Variants in TCF12 observed in about 807,000 individuals in gnomAD.
The protein encoded by TCF12 is DNA-binding protein HTF4.
In TCF12, 45 loss-of-function variants were observed where a neutral mutation model predicts 86.0. That is an observed-to-expected ratio of 0.52 (90% CI 0.41 to 0.67). TCF12 has a LOEUF of 0.67. TCF12 is among the 30% of genes least tolerant of loss of function. The probability of loss-of-function intolerance (pLI) is 0.00; values close to 1 mark genes in which losing one functional copy is unlikely to be tolerated. For missense variants in TCF12, 881 were observed against 859.9 expected (o/e 1.02, Z -0.31); for synonymous variants, 330 against 299.6 (o/e 1.10, Z -1.05).
At chr15:57,274,457 A>G (rs578174464) in intron 19 of TCF12, among the ~76,000 whole-genome samples, 1 of 152,310 alleles carries the variant, frequency 6.6e-6, no homozygotes, top group Admixed American at 6.5e-5. Context: ...ATAAATGTTA[A>G]TGAAACCTAA....
chr15:57,280,942 A>C (rs977204742), intron 19 of TCF12, among the ~76,000 whole-genome samples: 4 of 152,360 alleles, frequency 2.6e-5, no homozygotes, highest in South Asian at 2.1e-4. Context: ...TGTTATAATC[A>C]AATGAAAAGC....
intron 16 of TCF12, among the ~76,000 whole-genome samples, chr15:57,259,332 G>A (rs1189358225): frequency 1.3e-5 from 2 of 152,292 alleles, no homozygotes; most frequent in Non-Finnish European, 2.9e-5. Context: ...AGCAATCTGT[G>A]TATTAATAGT....
chr15:56,923,360 C>T (rs1255531071), intron 3 of TCF12, among the ~76,000 whole-genome samples: 3 of 151,986 alleles, frequency 2.0e-5, no homozygotes, highest in Non-Finnish European at 2.9e-5. Flanking sequence ...TTATGAGTGT[C>T]GGAAGTCACT....
chr15:57,185,158 A>G (rs1244031233), intron 6 of TCF12, among the ~76,000 whole-genome samples: 1 of 152,224 alleles, frequency 6.6e-6, no homozygotes, highest in Non-Finnish European at 1.5e-5. Context: ...TTATAAGGGA[A>G]TGTATCAGCT....
At chr15:57,245,597 C>T (rs1210342155) in intron 13 of TCF12, among the ~76,000 whole-genome samples, 1 of 152,128 alleles carries the variant, frequency 6.6e-6, no homozygotes, top group African/African-American at 2.4e-5. Context: ...GAAGGCAGGC[C>T]ATGGCAGAGC....
At chr15:56,956,753 T>C (rs1380538498) in intron 3 of TCF12, among the ~76,000 whole-genome samples, 1 of 152,206 alleles carries the variant, frequency 6.6e-6, no homozygotes, top group African/African-American at 2.4e-5. Context: ...GATAGTCTTA[T>C]CTTTATTCCT....
At position 57,232,349 on chromosome 15, in the gene TCF12, T is replaced by C; in HGVS notation, c.744T>C (p.Gly248=). The C allele has an allele frequency of 6.2e-7, 1 of 1,613,998 alleles. No individual in the cohort carries two copies. The highest frequency in any genetic ancestry group is 1.1e-5 in the South Asian group (1 of 91,068). ...WSSSNGMSQP[G]FGGILGTSTS... ...CATCAAATGGGATGAGCCAGCCTGG[T>C]TTTGGTGGAATTCTGGGGACCTCCA... The change falls in exon 10 of 21, where the codon GGT becomes GGC. Residue 248 remains glycine (G), a synonymous_variant. Transcript: ENST00000333725.
At chr15:57,281,237 T>C (rs2061672394) in intron 19 of TCF12, among the ~76,000 whole-genome samples, 1 of 152,252 alleles carries the variant, frequency 6.6e-6, no homozygotes, top group Non-Finnish European at 1.5e-5. Context: ...TTTAACCTCT[T>C]TTGAAAATGC....
intron 3 of TCF12, among the ~76,000 whole-genome samples, chr15:56,960,792 A>G (rs1424937454): frequency 1.3e-5 from 2 of 152,014 alleles, no homozygotes; most frequent in Non-Finnish European, 2.9e-5. Context: ...TTTAATCATG[A>G]TTCTTTTAAA....
At chr15:57,211,705 G>C (rs1189929582) in intron 8 of TCF12, among the ~76,000 whole-genome samples, 1 of 152,220 alleles carries the variant, frequency 6.6e-6, no homozygotes, top group Admixed American at 6.5e-5. Context: ...TGTAATCTCA[G>C]CACTTTGGGA....
At chr15:57,240,522 A>T (rs77546434) in intron 12 of TCF12, among the ~76,000 whole-genome samples, 5 of 152,262 alleles carry the variant, frequency 3.3e-5, no homozygotes, top group African/African-American at 9.6e-5. Flanking sequence ...ATGAGCATCA[A>T]TTGCTCATAA....
chr15:57,280,839 A>C (rs886979532), intron 19 of TCF12, among the ~76,000 whole-genome samples: 3 of 152,238 alleles, frequency 2.0e-5, no homozygotes, highest in African/African-American at 7.2e-5. Flanking sequence ...TTCATTCTAG[A>C]CTAATTACAA....
At chr15:57,194,521 T>C (rs1349231471) in intron 7 of TCF12, among the ~76,000 whole-genome samples, 6 of 152,226 alleles carry the variant, frequency 3.9e-5, no homozygotes, top group African/African-American at 1.2e-4. Context: ...CAGTTATTGA[T>C]AAAATCTCAG....
At chr15:57,245,959 G>A (rs1226811767) in intron 13 of TCF12, among the ~76,000 whole-genome samples, 1 of 151,930 alleles carries the variant, frequency 6.6e-6, no homozygotes. Context: ...CCATAGCAGG[G>A]CAGAGATGAG....
chr15:57,023,208 AT>A (rs1287974856), intron 3 of TCF12, among the ~76,000 whole-genome samples: 1 of 152,142 alleles, frequency 6.6e-6, no homozygotes, highest in Non-Finnish European at 1.5e-5. Context: ...CATAGAGATT[AT>A]TTTTTAAGTA....
intron 4 of TCF12, among the ~76,000 whole-genome samples, chr15:57,069,428 G>T (rs2069178046): frequency 6.6e-6 from 1 of 152,102 alleles, no homozygotes; most frequent in Non-Finnish European, 1.5e-5. Flanking sequence ...GTCCACCATG[G>T]TTTTCTCTTC....
At chr15:56,925,240 G>GCC (rs11465192) in intron 3 of TCF12, among the ~76,000 whole-genome samples, 319 of 136,284 alleles carry the variant, frequency 2.3e-3, no homozygotes, top group African/African-American at 3.4e-3. Flanking sequence ...GGTGTCCACC[G>GCC]CCCCCCCACC....
intron 3 of TCF12, among the ~76,000 whole-genome samples, chr15:56,973,997 C>G (rs1401584119): frequency 6.6e-6 from 1 of 152,006 alleles, no homozygotes; most frequent in South Asian, 2.1e-4. Context: ...TCATGAAAGA[C>G]AAAAATTTAG....
intron 3 of TCF12, among the ~76,000 whole-genome samples, chr15:57,027,436 G>A (rs575409864): frequency 1.1e-4 from 16 of 152,284 alleles, no homozygotes; most frequent in African/African-American, 3.4e-4. Flanking sequence ...TTTTCCACGT[G>A]CCAGTGCTGA....
Sources: gnomAD v4.1 joint callset for allele counts (sites outside exome capture counted in the v4.1 genomes callset) on GRCh38, gnomAD v4.1.1 for gene constraint, MANE v1.5 for transcripts, NCBI Gene and HGNC (gene_info 2026-07-23, HGNC 2026-07-21) for gene names.